Variants in PRIMA1 observed in about 807,000 individuals in gnomAD.
PRIMA1 encodes proline rich membrane anchor 1, also known as proline-rich membrane anchor 1.
PRIMA1 carries 7 observed loss-of-function variants against 17.5 expected under a neutral mutation model. The ratio of observed to expected loss-of-function variants is 0.40; its 90% CI spans 0.23 to 0.75. PRIMA1 has a LOEUF of 0.75. Among genes scored for constraint, PRIMA1 ranks in the 30% least tolerant of loss-of-function variants. The pLI is 0.37. For synonymous variants in PRIMA1, 97 were observed against 77.9 expected, an observed-to-expected ratio of 1.25 and a Z score of -1.29; for missense variants, 200 against 201.8, an observed-to-expected ratio of 0.99 and a Z score of 0.05.
At chr14:93,749,949 G>A (rs2076249829) in intron 3 of PRIMA1, among the ~76,000 whole-genome samples, 1 of 152,216 alleles carries the variant, frequency 6.6e-6, no homozygotes, top group Non-Finnish European at 1.5e-5. Context: ...GGGAGGCCTA[G>A]GCGGGCAGAT....
Position 93,722,512 on chromosome 14 carries a change from T to C in PRIMA1, c.360-966A>G, listed in dbSNP as rs538056394. ...GTTAGGGTAATGGTGGTGGTGATGG[T>C]TCGGTTGACAATGGTGGTGATGGTG... On this transcript the variant is annotated intron_variant, in intron 4 of 4. Coordinates refer to ENST00000393140, the MANE Select transcript of PRIMA1 (RefSeq NM_178013.4). Among the ~76,000 whole-genome samples, 418 of 151,204 alleles carry C rather than the reference T, an allele frequency of 2.8e-3. 2 individuals carry two copies. The highest frequency in any genetic ancestry group is 4.4e-3 in the Non-Finnish European group (300 of 67,770).
intron 3 of PRIMA1, among the ~76,000 whole-genome samples, chr14:93,762,922 C>G (rs1355506566): frequency 6.6e-6 from 1 of 152,174 alleles, no homozygotes; most frequent in East Asian, 1.9e-4. Flanking sequence ...GGGACAGTCT[C>G]CCCAGGTGCC....
At chr14:93,769,560 C>G (rs1884992170) in intron 3 of PRIMA1, among the ~76,000 whole-genome samples, 1 of 152,236 alleles carries the variant, frequency 6.6e-6, no homozygotes, top group Admixed American at 6.5e-5. Context: ...TCCCTCGTCA[C>G]AGGCTCACAC....
chr14:93,728,331 G>A (rs1294386128), intron 4 of PRIMA1, among the ~76,000 whole-genome samples: 2 of 152,248 alleles, frequency 1.3e-5, no homozygotes, highest in African/African-American at 4.8e-5. Flanking sequence ...CAGGCGTCGA[G>A]GGAGAGAATA....
chr14:93,771,804 G>A (rs1056347836), intron 3 of PRIMA1, among the ~76,000 whole-genome samples: 6 of 152,178 alleles, frequency 3.9e-5, no homozygotes, highest in Admixed American at 6.5e-5. Context: ...AGGACTATAC[G>A]TGCAAAGGCT....
rs2076075860 is a variant in PRIMA1, at chr14:93,726,311, C to T, written c.360-4765G>A. 1.3e-5 allele frequency among the ~76,000 whole-genome samples: 2 copies of T among 152,150 alleles called. No homozygotes were observed. Among genetic ancestry groups the T allele is most frequent in the African/African-American group, 4.8e-5 (2 of 41,410 alleles). ...CATGATGTGACAGCCTCCCGCTCAG[C>T]CTGCTGCTCTGTGGGGATGGAGGAG... On this transcript the variant is annotated intron_variant, in intron 4 of 4. Coordinates refer to ENST00000393140, the MANE Select transcript of PRIMA1 (RefSeq NM_178013.4). The surrounding 1 kb of genome is among the most constrained non-coding windows in gnomAD (Gnocchi z 4.2).
chr14:93,750,518 G>A (rs2141171871), intron 3 of PRIMA1, among the ~76,000 whole-genome samples: 1 of 152,324 alleles, frequency 6.6e-6, no homozygotes, highest in African/African-American at 2.4e-5. Context: ...ACCAGTGGTT[G>A]ACACTGATCT....
intron 4 of PRIMA1, among the ~76,000 whole-genome samples, chr14:93,723,691 C>A (rs1881807849): frequency 6.6e-6 from 1 of 152,136 alleles, no homozygotes; most frequent in South Asian, 2.1e-4. Flanking sequence ...AAAGCACTCT[C>A]CGTCACAGAG....
At chr14:93,739,202 G>T (rs1340721077) in intron 3 of PRIMA1, among the ~76,000 whole-genome samples, 1 of 152,008 alleles carries the variant, frequency 6.6e-6, no homozygotes, top group African/African-American at 2.4e-5. Context: ...ACAGATATGC[G>T]CCACCATGCC....
At chr14:93,748,702 T>C (rs2076242116) in intron 3 of PRIMA1, among the ~76,000 whole-genome samples, 1 of 152,150 alleles carries the variant, frequency 6.6e-6, no homozygotes, top group Admixed American at 6.5e-5. Flanking sequence ...CCCTGGCTTA[T>C]CTATTTCTGC....
chr14:93,759,408 G>A (rs1398548861), intron 3 of PRIMA1, among the ~76,000 whole-genome samples: 2 of 152,098 alleles, frequency 1.3e-5, no homozygotes, highest in African/African-American at 2.4e-5. Flanking sequence ...AACCACTGGT[G>A]GGATAAAATC....
chr14:93,768,121 A>T (rs1209605280), intron 3 of PRIMA1, among the ~76,000 whole-genome samples: 1 of 152,142 alleles, frequency 6.6e-6, no homozygotes, highest in Non-Finnish European at 1.5e-5. Context: ...AAAAAAAAGC[A>T]CCCAGGAAGC....
intron 2 of PRIMA1, among the ~76,000 whole-genome samples, chr14:93,785,107 C>G (rs1259475149): frequency 1.3e-5 from 2 of 148,686 alleles, no homozygotes; most frequent in Admixed American, 1.4e-4. Context: ...TTCATGGAGA[C>G]AGGCCAGCAC....
intron 4 of PRIMA1, among the ~76,000 whole-genome samples, chr14:93,724,957 C>CA (rs1432078598): frequency 2.6e-5 from 4 of 152,084 alleles, no homozygotes; most frequent in Non-Finnish European, 5.9e-5. Context: ...GTGAGGCGGT[C>CA]AGTAGGATTT....
rs2076081801 is a variant in PRIMA1 at position 93,726,948 on chromosome 14, TAC to T, written c.360-5404_360-5403del. 6.6e-6 allele frequency among the ~76,000 whole-genome samples: 1 copy of T among 152,196 alleles called. No individual in the cohort carries two copies. The highest frequency in any genetic ancestry group is 2.4e-5 in the African/African-American group (1 of 41,438). On this transcript the variant is annotated intron_variant, in intron 4 of 4. Transcript: ENST00000393140. This position sits in a 1 kb window ranked among gnomAD's most constrained non-coding sequence, Gnocchi z 4.2. Reference sequence around the variant, plus strand: ...ACAGACATATATCCCCACACTCATATACACACACACTCAGCGTTCCATGATGA... The same window carrying T: ...ACAGACATATATCCCCACACTCATATACACACACTCAGCGTTCCATGATGA...
intron 3 of PRIMA1, among the ~76,000 whole-genome samples, chr14:93,765,217 GC>G (rs1884851572): frequency 6.6e-6 from 1 of 151,828 alleles, no homozygotes; most frequent in East Asian, 1.9e-4. Context: ...CAAAATGTAA[GC>G]CCCCTCCCTA....
intron 3 of PRIMA1, among the ~76,000 whole-genome samples, chr14:93,745,352 G>A (rs138068968): frequency 2.6e-5 from 4 of 152,304 alleles, no homozygotes; most frequent in South Asian, 2.1e-4. Context: ...TGGACTCTTC[G>A]CTGAGCTTCA....
At chr14:93,749,884 T>C (rs912280760) in intron 3 of PRIMA1, among the ~76,000 whole-genome samples, 3 of 151,740 alleles carry the variant, frequency 2.0e-5, no homozygotes, top group African/African-American at 7.3e-5. Flanking sequence ...GTTAAAAAAT[T>C]AGCTGGGATA....
rs141449447 is a variant in PRIMA1 at position 93,718,602 on chromosome 14, T to G, written c.*2842A>C. On this transcript the variant is annotated 3_prime_UTR_variant, in exon 5 of 5. Transcript: ENST00000393140. ...TACCTGGGCAGTTTAACTCATACTTTGTACAGATGCAGAGAGTACAGTAGT... is the reference window on the plus strand; with the variant it reads ...TACCTGGGCAGTTTAACTCATACTTGGTACAGATGCAGAGAGTACAGTAGT... The G allele has an allele frequency of 6.6e-6, 1 of 152,410 alleles. No individual in the cohort carries two copies. The highest frequency in any genetic ancestry group is 1.9e-4 in the East Asian group (1 of 5,184). The allele number at this position is 152,410 out of a possible 1,614,324, so 9.4% of individuals were successfully genotyped here.
Sources: allele counts gnomAD v4.1 joint callset (sites outside exome capture counted in the v4.1 genomes callset), GRCh38; gene constraint gnomAD v4.1.1; non-coding constraint Gnocchi (gnomAD v3.1); transcripts MANE v1.5; gene names NCBI Gene and HGNC (gene_info 2026-07-23, HGNC 2026-07-21).